CNTNAP2: variants seen among roughly 807,000 people sequenced by gnomAD.
The protein encoded by CNTNAP2 is contactin associated protein 2.
In CNTNAP2, 98 loss-of-function variants were observed where a neutral mutation model predicts 155.2. That is an observed-to-expected ratio of 0.63 (90% confidence interval 0.54 to 0.75). The LOEUF is 0.75. Among genes scored for constraint, CNTNAP2 ranks in the 30% least tolerant of loss-of-function variants. The pLI is 0.00. For missense variants in CNTNAP2, 1,727 were observed against 1,688.1 expected, an observed-to-expected ratio of 1.02 and a Z score of -0.40; for synonymous variants, 651 against 631.2, an observed-to-expected ratio of 1.03 and a Z score of -0.47.
At chr7:147,469,011 T>A (rs908913043) in intron 10 of CNTNAP2, among the ~76,000 whole-genome samples, 1 of 152,022 alleles carries the variant, frequency 6.6e-6, no homozygotes, top group African/African-American at 2.4e-5. Flanking sequence ...TTAGTAGAGA[T>A]GGGGTTTCAC....
At chr7:147,790,577 G>T (rs1239071414) in intron 13 of CNTNAP2, among the ~76,000 whole-genome samples, 1 of 152,124 alleles carries the variant, frequency 6.6e-6, no homozygotes, top group African/African-American at 2.4e-5. Context: ...TTTCCATGTT[G>T]TTATAATTAA....
At chr7:146,683,184 C>A (rs1214840113) in intron 1 of CNTNAP2, among the ~76,000 whole-genome samples, 1 of 152,126 alleles carries the variant, frequency 6.6e-6, no homozygotes, top group Non-Finnish European at 1.5e-5. Flanking sequence ...CAGGCACCTG[C>A]CACCATGCCA....
intron 8 of CNTNAP2, among the ~76,000 whole-genome samples, chr7:147,172,860 A>G (rs1017739677): frequency 6.6e-6 from 1 of 152,176 alleles, no homozygotes; most frequent in African/African-American, 2.4e-5. Flanking sequence ...GGCAGGTGAG[A>G]TAATATCTGC....
intron 1 of CNTNAP2, among the ~76,000 whole-genome samples, chr7:146,590,016 C>G (rs1798757061): frequency 6.6e-6 from 1 of 152,202 alleles, no homozygotes; most frequent in Admixed American, 6.5e-5. Flanking sequence ...AGTCTTCTGA[C>G]TCTGTCTACG....
chr7:146,673,431 GT>G (rs1800343161), intron 1 of CNTNAP2, among the ~76,000 whole-genome samples: 1 of 152,288 alleles, frequency 6.6e-6, no homozygotes, highest in South Asian at 2.1e-4. Context: ...GTTGAATTAA[GT>G]TTAGCCTAAA....
chr7:146,123,128 T>C (rs1207598842), intron 1 of CNTNAP2, among the ~76,000 whole-genome samples: 1 of 152,200 alleles, frequency 6.6e-6, no homozygotes, highest in African/African-American at 2.4e-5. Flanking sequence ...TTGTTGGCTC[T>C]GAATTTGCTT....
intron 1 of CNTNAP2, among the ~76,000 whole-genome samples, chr7:146,136,300 A>G (rs529369509): frequency 6.6e-6 from 1 of 152,290 alleles, no homozygotes; most frequent in South Asian, 2.1e-4. Flanking sequence ...CCTTTCATAA[A>G]TTATGTGGCA....
chr7:146,389,898 A>T (rs1469483612), intron 1 of CNTNAP2, among the ~76,000 whole-genome samples: 1 of 151,386 alleles, frequency 6.6e-6, no homozygotes, highest in African/African-American at 2.4e-5. Flanking sequence ...ACAGGATTCC[A>T]CCATGTTGGC....
At chr7:146,731,874 T>G (rs1311979255) in intron 1 of CNTNAP2, among the ~76,000 whole-genome samples, 1 of 152,128 alleles carries the variant, frequency 6.6e-6, no homozygotes, top group Non-Finnish European at 1.5e-5. Context: ...TATACTCATG[T>G]ATATATTCCT....
At chr7:147,506,674 C>T (rs1584778247) in intron 11 of CNTNAP2, among the ~76,000 whole-genome samples, 1 of 152,216 alleles carries the variant, frequency 6.6e-6, no homozygotes, top group Non-Finnish European at 1.5e-5. Flanking sequence ...GTTAGTTGCC[C>T]GGAAGGTGTG....
intron 9 of CNTNAP2, among the ~76,000 whole-genome samples, chr7:147,316,867 T>C (rs1375949151): frequency 6.6e-6 from 1 of 152,174 alleles, no homozygotes; most frequent in African/African-American, 2.4e-5. Flanking sequence ...TAATATTAAA[T>C]GGTATACAAA....
At chr7:147,050,874 G>A (rs1028702254) in intron 4 of CNTNAP2, among the ~76,000 whole-genome samples, 3 of 152,052 alleles carry the variant, frequency 2.0e-5, no homozygotes, top group African/African-American at 4.8e-5. Flanking sequence ...CATGTCCCTC[G>A]CCCATCTCCT....
At chr7:146,153,799 G>A (rs541243381) in intron 1 of CNTNAP2, among the ~76,000 whole-genome samples, 54 of 152,172 alleles carry the variant, frequency 3.5e-4, no homozygotes, top group African/African-American at 1.2e-3. Context: ...ATCCATTGTC[G>A]TATGAATAAT....
intron 3 of CNTNAP2, among the ~76,000 whole-genome samples, chr7:146,912,052 G>A (rs1263724401): frequency 1.3e-4 from 19 of 150,826 alleles, no homozygotes; most frequent in East Asian, 7.8e-4. Context: ...CTTTCATTAC[G>A]AAATGTTATT....
intron 1 of CNTNAP2, among the ~76,000 whole-genome samples, chr7:146,505,447 A>G (rs1308691317): frequency 1.3e-5 from 2 of 152,220 alleles, no homozygotes; most frequent in Non-Finnish European, 2.9e-5. Context: ...TGGTACCACA[A>G]CTTTTCAGCA....
intron 20 of CNTNAP2, among the ~76,000 whole-genome samples, chr7:148,234,690 A>G (rs1390431570): frequency 3.9e-5 from 6 of 152,240 alleles, no homozygotes; most frequent in African/African-American, 1.4e-4. Context: ...TGATGGACAG[A>G]TGAAGAGGCC....
chr7:146,634,098 C>T (rs192533937), intron 1 of CNTNAP2, among the ~76,000 whole-genome samples: 2 of 152,050 alleles, frequency 1.3e-5, no homozygotes, highest in East Asian at 1.9e-4. Context: ...CCAACCACAT[C>T]GTTTAAATTT....
intron 2 of CNTNAP2, among the ~76,000 whole-genome samples, chr7:146,803,635 G>A (rs1313220895): frequency 1.3e-5 from 2 of 152,154 alleles, no homozygotes; most frequent in African/African-American, 2.4e-5. Context: ...TCTAGCAGGA[G>A]CTTGGTAGAT....
chr7:146,668,844 T>C (rs542913295), intron 1 of CNTNAP2, among the ~76,000 whole-genome samples: 1 of 152,218 alleles, frequency 6.6e-6, no homozygotes, highest in African/African-American at 2.4e-5. Flanking sequence ...GTATTTGTTA[T>C]GATGCCTCCT....
Sources: allele counts gnomAD v4.1 joint callset (sites outside exome capture counted in the v4.1 genomes callset), GRCh38; gene constraint gnomAD v4.1.1; transcripts MANE v1.5; gene names NCBI Gene and HGNC (gene_info 2026-07-23, HGNC 2026-07-21).